Variants in BACH2 observed in about 807,000 individuals in gnomAD.
BACH2 encodes the protein BACH transcriptional regulator 2.
BACH2 carries 5 observed loss-of-function variants against 61.8 expected under a neutral mutation model. The observed-to-expected ratio is 0.08, with a 90% CI of 0.04 to 0.17. BACH2 has a LOEUF of 0.17. BACH2 is among the 10% of genes least tolerant of loss of function. The probability of loss-of-function intolerance (pLI) is 1.00; values close to 1 mark genes in which losing one functional copy is unlikely to be tolerated. For missense variants in BACH2, 824 were observed against 1,091.1 expected (o/e 0.76, Z 3.45); for synonymous variants, 446 against 440.1 (o/e 1.01, Z -0.17).
chr6:90,073,395 C>T (rs1781329894), intron 5 of BACH2, among the ~76,000 whole-genome samples: 1 of 152,198 alleles, frequency 6.6e-6, no homozygotes, highest in Admixed American at 6.5e-5. Context: ...TTATCAGACA[C>T]TTAAGGAAAG....
At chr6:90,113,584 G>C (rs1158164229) in intron 4 of BACH2, among the ~76,000 whole-genome samples, 1 of 152,028 alleles carries the variant, frequency 6.6e-6, no homozygotes, top group African/African-American at 2.4e-5. Flanking sequence ...ACACAGCTAA[G>C]GCAGTGTTAA....
chr6:89,987,166 A>C (rs1776289162), intron 6 of BACH2, among the ~76,000 whole-genome samples: 1 of 152,218 alleles, frequency 6.6e-6, no homozygotes, highest in Non-Finnish European at 1.5e-5. Flanking sequence ...AGAAAGATTT[A>C]ACAAAAATAG....
At chr6:90,001,388 G>A (rs1777126031) in intron 6 of BACH2, 1 of 152,248 alleles carries the variant, frequency 6.6e-6, no homozygotes, top group Non-Finnish European at 1.5e-5. Context: ...GCAGCTTCAG[G>A]AGGGACACAC....
At chr6:90,201,958 C>T (rs1180020403) in intron 4 of BACH2, among the ~76,000 whole-genome samples, 1 of 152,196 alleles carries the variant, frequency 6.6e-6, no homozygotes, top group African/African-American at 2.4e-5. Context: ...CCTTACACAA[C>T]CTCCAGTAGC....
chr6:90,286,999 T>C (rs1253999988), intron 1 of BACH2, among the ~76,000 whole-genome samples: 1 of 152,170 alleles, frequency 6.6e-6, no homozygotes, highest in Non-Finnish European at 1.5e-5. Flanking sequence ...AGACAGTGTG[T>C]TCCCAGAGAA....
chr6:90,098,918 G>T (rs1782497014), intron 4 of BACH2, among the ~76,000 whole-genome samples: 1 of 152,092 alleles, frequency 6.6e-6, no homozygotes, highest in African/African-American at 2.4e-5. Flanking sequence ...TTCTCTTACT[G>T]GTCCATGACA....
intron 3 of BACH2, among the ~76,000 whole-genome samples, chr6:90,241,764 C>T (rs564524461): frequency 1.3e-5 from 2 of 150,800 alleles, no homozygotes; most frequent in South Asian, 2.1e-4. Context: ...TTTAACTGCC[C>T]GTTACTAAAG....
chr6:90,251,737 T>C (rs1331576259), intron 3 of BACH2, among the ~76,000 whole-genome samples: 2 of 152,190 alleles, frequency 1.3e-5, no homozygotes, highest in African/African-American at 4.8e-5. Flanking sequence ...CTTCACAGGA[T>C]GGAAGTAAAA....
intron 4 of BACH2, among the ~76,000 whole-genome samples, chr6:90,151,645 A>G (rs1275817121): frequency 6.6e-6 from 1 of 152,220 alleles, no homozygotes; most frequent in African/African-American, 2.4e-5. Flanking sequence ...TAAGACAGTA[A>G]GATCTGTAAG....
intron 1 of BACH2, among the ~76,000 whole-genome samples, chr6:90,280,214 C>T (rs1269308350): frequency 6.6e-6 from 1 of 151,896 alleles, no homozygotes; most frequent in African/African-American, 2.4e-5. Flanking sequence ...GTATTCAGAA[C>T]CCTAATCTGC....
chr6:90,221,912 T>C (rs1769746701), intron 3 of BACH2, among the ~76,000 whole-genome samples: 1 of 152,116 alleles, frequency 6.6e-6, no homozygotes, highest in Admixed American at 6.5e-5. Flanking sequence ...TAAGAAACTC[T>C]AAATGTCATG....
chr6:90,178,557 A>G (rs1280889392), intron 4 of BACH2, among the ~76,000 whole-genome samples: 2 of 152,166 alleles, frequency 1.3e-5, no homozygotes, highest in African/African-American at 4.8e-5. Flanking sequence ...CCCAACTCCC[A>G]AAAAAGACAG....
At chr6:90,218,977 AC>A (rs1769644326) in intron 3 of BACH2, among the ~76,000 whole-genome samples, 1 of 150,486 alleles carries the variant, frequency 6.6e-6, no homozygotes, top group African/African-American at 2.5e-5. Flanking sequence ...GTGAGAGTGC[AC>A]GCAAGAGAGA....
At chr6:90,150,696 A>T (rs928194217) in intron 4 of BACH2, among the ~76,000 whole-genome samples, 3 of 152,098 alleles carry the variant, frequency 2.0e-5, no homozygotes, top group Non-Finnish European at 4.4e-5. Flanking sequence ...AGCCATGTCA[A>T]TGGGGAGTGC....
At chr6:89,952,885 T>C (rs770236795) in intron 6 of BACH2, 1 of 152,210 alleles carries the variant, frequency 6.6e-6, no homozygotes, top group African/African-American at 2.4e-5. Flanking sequence ...TGGAAATGGA[T>C]TAAACTTGCT....
Position 90,008,991 on chromosome 6 carries a change from G to T in BACH2, c.-12-135C>A. Reference sequence around the variant, plus strand: ...GCCATGAGCATGGCAGGAAGGAGGGGAATTACCAATCAGCATATTTGTGCT... The same window carrying T: ...GCCATGAGCATGGCAGGAAGGAGGGTAATTACCAATCAGCATATTTGTGCT... On this transcript the variant is annotated intron_variant, in intron 5 of 8. Coordinates refer to ENST00000257749, the MANE Select transcript of BACH2 (RefSeq NM_021813.4). This position sits in a 1 kb window ranked among gnomAD's most constrained non-coding sequence, Gnocchi z 4.1. 1 of 1,067,658 alleles carries T rather than the reference G, an allele frequency of 9.4e-7. No homozygotes were observed. The highest frequency in any genetic ancestry group is 1.6e-5 in the African/African-American group (1 of 62,530). The allele number at this position is 1,067,658 out of a possible 1,614,324, so 66.1% of individuals were successfully genotyped here.
intron 5 of BACH2, among the ~76,000 whole-genome samples, chr6:90,070,694 G>A (rs1562419861): frequency 6.6e-6 from 1 of 152,198 alleles, no homozygotes; most frequent in Non-Finnish European, 1.5e-5. Flanking sequence ...ACTAAATGAA[G>A]CCACAGGTTC....
intron 4 of BACH2, among the ~76,000 whole-genome samples, chr6:90,124,766 C>A (rs541031335): frequency 6.6e-6 from 1 of 152,204 alleles, no homozygotes; most frequent in Admixed American, 6.5e-5. Flanking sequence ...TCTGTTTTGT[C>A]ATTATTATTT....
intron 6 of BACH2, among the ~76,000 whole-genome samples, chr6:89,992,811 C>T (rs1344207533): frequency 3.3e-5 from 5 of 152,166 alleles, no homozygotes; most frequent in Admixed American, 2.6e-4. Context: ...CACGAATCTA[C>T]TATTTTTTCA....
Sources: gnomAD v4.1 joint callset for allele counts (sites outside exome capture counted in the v4.1 genomes callset) on GRCh38, gnomAD v4.1.1 for gene constraint, Gnocchi (gnomAD v3.1) non-coding constraint, MANE v1.5 for transcripts, NCBI Gene and HGNC (gene_info 2026-07-23, HGNC 2026-07-21) for gene names.